ERBIN: variants seen among roughly 807,000 people sequenced by gnomAD.
The protein encoded by ERBIN is erbb2 interacting protein.
Under a neutral mutation model 158.4 loss-of-function variants are expected in ERBIN, and 60 were observed. That is an observed-to-expected ratio of 0.38 (90% CI 0.31 to 0.47). The LOEUF is 0.47. Among genes scored for constraint, ERBIN ranks in the 20% least tolerant of loss-of-function variants. ERBIN has a pLI of 0.99. For missense variants in ERBIN, 1,610 were observed against 1,648.0 expected (o/e 0.98, Z 0.40); for synonymous variants, 594 against 557.2 (o/e 1.07, Z -0.93).
rs770325297 is a variant in ERBIN at position 66,044,138 on chromosome 5, A to T, written c.1430A>T (p.Glu477Val). ...ATTTTACTTATTTTATTTCTCTAGG[A>T]GGGAAATTTAAAAAGATATCCAACA... ...DKDEREAPPR[E>V]GNLKRYPTPY... The change falls in exon 17 of 26, where the codon GAG becomes GTG. Residue 477 changes from glutamate (E) to valine (V), a missense_variant and splice_region_variant. By Grantham distance (121) the Glu-to-Val change is moderately radical. Around this residue, in one of 2 missense-constraint regions of ERBIN, gnomAD observed 596 missense variants for 711.9 expected, o/e 0.84. Transcript: ENST00000284037. The T allele has an allele frequency of 1.3e-6, 2 of 1,543,218 alleles. No homozygotes were observed. The highest frequency in any genetic ancestry group is 8.7e-7 in the Non-Finnish European group (1 of 1,151,572).
intron 1 of ERBIN, among the ~76,000 whole-genome samples, chr5:65,931,075 A>G (rs1003679422): frequency 6.6e-6 from 1 of 152,218 alleles, no homozygotes; most frequent in African/African-American, 2.4e-5. Flanking sequence ...AATTCACTTA[A>G]TAAGACTCTA....
At chr5:65,990,927 A>C (rs189467180) in intron 2 of ERBIN, among the ~76,000 whole-genome samples, 2 of 151,654 alleles carry the variant, frequency 1.3e-5, no homozygotes, top group Non-Finnish European at 2.9e-5. Context: ...CGCCTGGCTA[A>C]TTTTTTTGTA....
chr5:66,027,948 T>C (rs1408146051), intron 13 of ERBIN, among the ~76,000 whole-genome samples: 1 of 152,134 alleles, frequency 6.6e-6, no homozygotes, highest in Admixed American at 6.5e-5. Context: ...AGCAATGTTA[T>C]GAGACATTCC....
intron 4 of ERBIN, among the ~76,000 whole-genome samples, chr5:66,000,870 C>G (rs889181165): frequency 1.3e-5 from 2 of 152,012 alleles, no homozygotes; most frequent in Admixed American, 1.3e-4. Context: ...AGTAAAAATT[C>G]TAGTTATTTT....
intron 24 of ERBIN, 193 bp from the exon 25 acceptor site, chr5:66,076,682 C>G: frequency 3.3e-6 from 2 of 604,534 alleles, no homozygotes; most frequent in Non-Finnish European, 5.9e-6. Context: ...TTATTACTCT[C>G]AAGAGAAATC....
intron 1 of ERBIN, among the ~76,000 whole-genome samples, chr5:65,954,099 T>A (rs1308119376): frequency 6.6e-6 from 1 of 152,210 alleles, no homozygotes; most frequent in Admixed American, 6.5e-5. Context: ...GACTGACAGT[T>A]GGGTAATAAT....
chr5:65,939,282 C>T (rs886583500), intron 1 of ERBIN, among the ~76,000 whole-genome samples: 6 of 152,006 alleles, frequency 3.9e-5, no homozygotes, highest in African/African-American at 1.4e-4. Context: ...ACTAAAAATA[C>T]GAAAATTAGC....
At chr5:65,950,626 C>G (rs1021804575) in intron 1 of ERBIN, among the ~76,000 whole-genome samples, 1 of 152,168 alleles carries the variant, frequency 6.6e-6, no homozygotes, top group Non-Finnish European at 1.5e-5. Flanking sequence ...CTGTTAGAAG[C>G]CCAGCTCACC....
At chr5:65,958,515 G>A (rs1258430813) in intron 1 of ERBIN, among the ~76,000 whole-genome samples, 1 of 152,158 alleles carries the variant, frequency 6.6e-6, no homozygotes, top group Non-Finnish European at 1.5e-5. Flanking sequence ...CAGGCACTGG[G>A]CAGGCTGAGG....
intron 14 of ERBIN, among the ~76,000 whole-genome samples, chr5:66,029,834 T>C (rs1756668723): frequency 6.6e-6 from 1 of 152,064 alleles, no homozygotes; most frequent in South Asian, 2.1e-4. Context: ...CATGATCCGC[T>C]TGTGTTGGCC....
intron 16 of ERBIN, among the ~76,000 whole-genome samples, chr5:66,043,604 G>A (rs1259904412): frequency 6.6e-6 from 1 of 151,666 alleles, no homozygotes; most frequent in African/African-American, 2.4e-5. Flanking sequence ...AGAACTCTTT[G>A]TTATGAACAT....
intron 21 of ERBIN, among the ~76,000 whole-genome samples, chr5:66,065,026 T>C (rs1413306785): frequency 6.6e-6 from 1 of 152,112 alleles, no homozygotes; most frequent in East Asian, 1.9e-4. Context: ...AAAGTTCTGG[T>C]AGTTAAGGAA....
At chr5:65,937,533 T>G (rs1481918128) in intron 1 of ERBIN, among the ~76,000 whole-genome samples, 1 of 152,206 alleles carries the variant, frequency 6.6e-6, no homozygotes, top group Non-Finnish European at 1.5e-5. Context: ...CATTGTATAT[T>G]TAATATCTGG....
At chr5:65,953,371 G>A (rs1270211507) in intron 1 of ERBIN, among the ~76,000 whole-genome samples, 3 of 152,148 alleles carry the variant, frequency 2.0e-5, no homozygotes, top group African/African-American at 7.2e-5. Flanking sequence ...TAGCATTAGG[G>A]GAGAAAATGT....
chr5:65,943,968 A>G (rs1316110649), intron 1 of ERBIN, among the ~76,000 whole-genome samples: 3 of 152,182 alleles, frequency 2.0e-5, no homozygotes, highest in Non-Finnish European at 2.9e-5. Flanking sequence ...GTGTTTCAGC[A>G]TATGTCAGAA....
At chr5:65,940,843 A>C (rs1406211241) in intron 1 of ERBIN, among the ~76,000 whole-genome samples, 4 of 152,134 alleles carry the variant, frequency 2.6e-5, no homozygotes, top group Non-Finnish European at 4.4e-5. Context: ...AGAACGGGCC[A>C]TGATGACAAT....
chr5:66,072,131 G>C, intron 21 of ERBIN, 38 bp from the exon 22 acceptor site: 3 of 1,540,798 alleles, frequency 1.9e-6, no homozygotes, highest in Non-Finnish European at 2.6e-6. Context: ...ACATCTTAAA[G>C]AACATTATTT....
At chr5:65,966,886 A>C (rs1748698030) in intron 1 of ERBIN, among the ~76,000 whole-genome samples, 1 of 152,016 alleles carries the variant, frequency 6.6e-6, no homozygotes, top group Admixed American at 6.6e-5. Flanking sequence ...GGCCTAGGCT[A>C]ATGTGTGTGT....
chr5:66,068,732 CA>C, intron 21 of ERBIN: 1 of 624,104 alleles, frequency 1.6e-6, no homozygotes, highest in Non-Finnish European at 2.5e-6. Context: ...TAAATGGTTC[CA>C]ATTTCTTTCA....
Sources: allele counts gnomAD v4.1 joint callset (sites outside exome capture counted in the v4.1 genomes callset), GRCh38; gene constraint gnomAD v4.1.1; regional missense constraint gnomAD v4.1.1; transcripts MANE v1.5; gene names NCBI Gene and HGNC (gene_info 2026-07-23, HGNC 2026-07-21).